Variants in PCDHA10 observed in about 807,000 individuals in gnomAD.
PCDHA10 encodes the protein protocadherin alpha 10.
In PCDHA10, 45 loss-of-function variants were observed where a neutral mutation model predicts 61.2. That is an observed-to-expected ratio of 0.74 (90% CI 0.58 to 0.94). PCDHA10 has a LOEUF of 0.94. PCDHA10 is among the 40% of genes least tolerant of loss of function. PCDHA10 has a pLI of 0.00. For synonymous variants in PCDHA10, 602 were observed against 548.8 expected, an observed-to-expected ratio of 1.10 and a Z score of -1.35; for missense variants, 1,278 against 1,236.2, an observed-to-expected ratio of 1.03 and a Z score of -0.51.
chr5:140,899,171 A>G (rs1302003338), intron 1 of PCDHA10, among the ~76,000 whole-genome samples: 1 of 152,058 alleles, frequency 6.6e-6, no homozygotes, highest in Non-Finnish European at 1.5e-5. Context: ...TCCTAATTGA[A>G]TACCCTTTAT....
chr5:140,988,512 T>TCC (rs2097301181), intron 3 of PCDHA10, among the ~76,000 whole-genome samples: 1 of 152,218 alleles, frequency 6.6e-6, no homozygotes, highest in Non-Finnish European at 1.5e-5. Flanking sequence ...TGAAGCTTAC[T>TCC]TAAGTCTCTG....
At chr5:140,967,876 G>C (rs369514758) in intron 1 of PCDHA10, 1 of 1,614,144 alleles carries the variant, frequency 6.2e-7, no homozygotes, top group Non-Finnish European at 8.5e-7. Flanking sequence ...TCACGGACCT[G>C]TATAGCCCAG....
intron 1 of PCDHA10, chr5:140,969,039 A>G: frequency 6.2e-7 from 1 of 1,614,130 alleles, no homozygotes; most frequent in Non-Finnish European, 8.5e-7. Context: ...GAACTGTACA[A>G]ACAAGCCAAC....
In PCDHA10 at chr5:140,857,433, T is replaced by C. The variant is rs2044590478; in HGVS notation, c.1385T>C (p.Phe462Ser). The change falls in exon 1 of 4, where the codon TTC becomes TCC. Residue 462 changes from phenylalanine to serine, a missense_variant. By Grantham distance (155) the Phe-to-Ser change is radical (BLOSUM62 -2). Transcript: ENST00000307360. ...TTCGCGCAGTCCGAGTACACGGTGTTCGTGAAGGAGAACAACCCGCCAGGC... is the reference window on the plus strand; with the variant it reads ...TTCGCGCAGTCCGAGTACACGGTGTCCGTGAAGGAGAACAACCCGCCAGGC... Reference protein sequence around the residue: ...PAFAQSEYTVFVKENNPPGCH... With the variant: ...PAFAQSEYTVSVKENNPPGCH... 2.5e-6 allele frequency: 4 copies of C among 1,598,232 alleles called. 1 individual carries two copies. Among genetic ancestry groups the C allele is most frequent in the Non-Finnish European group, 3.4e-6 (4 of 1,167,768 alleles).
At chr5:140,865,810 T>A (rs1350387651) in intron 1 of PCDHA10, 1 of 152,186 alleles carries the variant, frequency 6.6e-6, no homozygotes, top group Non-Finnish European at 1.5e-5. Flanking sequence ...CATTCTTTTA[T>A]CCACTATAAT....
chr5:140,944,099 C>G (rs1585153302), intron 1 of PCDHA10, among the ~76,000 whole-genome samples: 1 of 152,264 alleles, frequency 6.6e-6, no homozygotes, highest in East Asian at 1.9e-4. Context: ...AAGTTTATAT[C>G]TCATGGGAAA....
intron 1 of PCDHA10, among the ~76,000 whole-genome samples, chr5:140,901,764 G>A (rs1217710808): frequency 6.6e-6 from 1 of 152,120 alleles, no homozygotes; most frequent in Non-Finnish European, 1.5e-5. Context: ...GACAGGGATT[G>A]CATTGAATTT....
chr5:141,003,452 C>G (rs1554259072), intron 3 of PCDHA10, among the ~76,000 whole-genome samples: 1 of 152,112 alleles, frequency 6.6e-6, no homozygotes, highest in Non-Finnish European at 1.5e-5. Flanking sequence ...GATGAAATTA[C>G]AGGCGTGCAC....
intron 3 of PCDHA10, among the ~76,000 whole-genome samples, chr5:141,004,676 G>C (rs1198896698): frequency 6.6e-6 from 1 of 152,168 alleles, no homozygotes; most frequent in Non-Finnish European, 1.5e-5. Context: ...AAGGACTGTG[G>C]AGTGGTGCTG....
chr5:140,927,451 T>C (rs782170767), intron 1 of PCDHA10: 4 of 1,614,082 alleles, frequency 2.5e-6, no homozygotes, highest in South Asian at 1.1e-5. Context: ...GGAGTTGGTG[T>C]TGGAGAAAGC....
chr5:140,988,119 A>T (rs1238767411), intron 3 of PCDHA10, among the ~76,000 whole-genome samples: 1 of 152,174 alleles, frequency 6.6e-6, no homozygotes, highest in Non-Finnish European at 1.5e-5. Context: ...TTTAGAAAGC[A>T]TGCTGTTCCA....
intron 1 of PCDHA10, chr5:140,875,337 A>C (rs2055422229): frequency 1.6e-5 from 23 of 1,440,366 alleles, no homozygotes; most frequent in Non-Finnish European, 1.7e-5. Context: ...AATAGGATCG[A>C]CTCCATAATG....
intron 1 of PCDHA10, among the ~76,000 whole-genome samples, chr5:140,962,827 C>T (rs1229108981): frequency 6.6e-6 from 1 of 152,164 alleles, no homozygotes; most frequent in East Asian, 1.9e-4. Flanking sequence ...GACCATTTGT[C>T]TCTTTTTTAT....
At chr5:140,939,089 A>C (rs1048123737) in intron 1 of PCDHA10, among the ~76,000 whole-genome samples, 11 of 152,204 alleles carry the variant, frequency 7.2e-5, no homozygotes, top group Non-Finnish European at 1.2e-4. Context: ...TGGGTGGCTT[A>C]AAAACAATAG....
intron 1 of PCDHA10, among the ~76,000 whole-genome samples, chr5:140,959,126 G>A (rs1417334893): frequency 6.6e-6 from 1 of 152,066 alleles, no homozygotes; most frequent in Non-Finnish European, 1.5e-5. Context: ...GGCGAGGTGA[G>A]CCCACTTTGG....
At chr5:140,886,916 G>A (rs1170747823) in intron 1 of PCDHA10, among the ~76,000 whole-genome samples, 1 of 151,436 alleles carries the variant, frequency 6.6e-6, no homozygotes, top group Non-Finnish European at 1.5e-5. Flanking sequence ...CTTATTGAGT[G>A]TTCTCTATGT....
intron 1 of PCDHA10, among the ~76,000 whole-genome samples, chr5:140,908,700 G>A (rs1357815625): frequency 6.6e-6 from 1 of 152,184 alleles, no homozygotes; most frequent in Non-Finnish European, 1.5e-5. Flanking sequence ...GACACCTCAA[G>A]CACCATTGGA....
At chr5:141,000,900 G>T (rs1020896392) in intron 3 of PCDHA10, among the ~76,000 whole-genome samples, 4 of 151,614 alleles carry the variant, frequency 2.6e-5, no homozygotes, top group African/African-American at 9.7e-5. Context: ...AGATATAGAC[G>T]CTGTCTCTAA....
chr5:140,875,506 C>A, intron 1 of PCDHA10: 1 of 1,613,618 alleles, frequency 6.2e-7, no homozygotes, highest in Non-Finnish European at 8.5e-7. Flanking sequence ...CCCGGGATCC[C>A]AGCGTCTGCT....
Sources: allele counts gnomAD v4.1 joint callset (sites outside exome capture counted in the v4.1 genomes callset), GRCh38; gene constraint gnomAD v4.1.1; transcripts MANE v1.5; gene names NCBI Gene and HGNC (gene_info 2026-07-23, HGNC 2026-07-21).